The following MPRIP variants were observed in gnomAD, a reference collection of about 807,000 sequenced individuals.
MPRIP encodes the protein myosin phosphatase Rho-interacting protein.
A neutral mutation model predicts 234.9 loss-of-function variants in MPRIP; 59 were observed. The ratio of observed to expected loss-of-function variants is 0.25; its 90% CI spans 0.20 to 0.31. The LOEUF is 0.31. MPRIP is among the 10% of genes least tolerant of loss of function. The probability of loss-of-function intolerance (pLI) is 1.00; values close to 1 mark genes in which losing one functional copy is unlikely to be tolerated. For synonymous variants in MPRIP, 1,144 were observed against 1,263.9 expected, an observed-to-expected ratio of 0.91 and a Z score of 2.01; for missense variants, 2,436 against 3,071.0, an observed-to-expected ratio of 0.79 and a Z score of 4.89.
intron 3 of MPRIP, among the ~76,000 whole-genome samples, chr17:17,111,667 T>C (rs1315096678): frequency 6.6e-6 from 1 of 152,202 alleles, no homozygotes. Flanking sequence ...GTTCAGACTC[T>C]TCTGCCTGTT....
Position 17,184,835 on chromosome 17 carries a change from G to C in MPRIP, c.7219G>C (p.Gly2407Arg), listed in dbSNP as rs777319491. The C allele has an allele frequency of 6.2e-7, 1 of 1,612,768 alleles. No individual in the cohort carries two copies. The highest frequency in any genetic ancestry group is 1.1e-5 in the South Asian group (1 of 91,040). The change falls in exon 24 of 24, where the codon GGC becomes CGC. Residue 2407 changes from glycine to arginine, a missense_variant. This residue lies in a region of MPRIP where 1,998 missense variants were observed against 2,520.3 expected (regional missense o/e 0.79). Transcript: ENST00000651222. Reference protein sequence around the residue: ...RNIRSKSLKEGLTVQERLKLF... With the variant: ...RNIRSKSLKERLTVQERLKLF... ...TGTCTCTACCCAGAGTCTGAAGGAAGGCCTGACGGTGCAAGAACGGTTGAA... is the reference window on the plus strand; with the variant it reads ...TGTCTCTACCCAGAGTCTGAAGGAACGCCTGACGGTGCAAGAACGGTTGAA...
At chr17:17,152,785 C>T (rs1401898387) in intron 12 of MPRIP, among the ~76,000 whole-genome samples, 8 of 152,150 alleles carry the variant, frequency 5.3e-5, no homozygotes, top group Non-Finnish European at 8.8e-5. Context: ...TAGAAAGGAA[C>T]CAGGCTGGCA....
Position 17,187,852 on chromosome 17 carries a change from A to G in MPRIP, c.*2958A>G, listed in dbSNP as rs920750481. ...GGCTGCTCCTTGGCACCAGCTACAC[A>G]GTAGTGAGCTTTCCCAGCTTTACCG... On this transcript the variant is annotated 3_prime_UTR_variant, in exon 24 of 24. Coordinates refer to ENST00000651222, the MANE Select transcript of MPRIP (RefSeq NM_001364716.4). The G allele has an allele frequency of 6.6e-6, 1 of 152,250 alleles. No individual in the cohort carries two copies. The highest frequency in any genetic ancestry group is 1.5e-5 in the Non-Finnish European group (1 of 68,048). The allele number at this position is 152,250 out of a possible 1,614,324, so 9.4% of individuals were successfully genotyped here.
chr17:17,108,577 C>T lies in MPRIP; in HGVS notation c.268-18125C>T, dbSNP rs78770259. On this transcript the variant is annotated intron_variant, in intron 3 of 23. Coordinates refer to ENST00000651222, the MANE Select transcript of MPRIP (RefSeq NM_001364716.4). ...TACATTATTCAGCAAAAGTTTGGAA[C>T]CATTGCTTTAAGCTCTAAAACCTTC... 4.2e-4 allele frequency among the ~76,000 whole-genome samples: 64 copies of T among 152,344 alleles called. 1 individual carries two copies. Among genetic ancestry groups the T allele is most frequent in the South Asian group, 3.7e-3 (18 of 4,826 alleles).
At chr17:17,136,079 G>C (rs1258001560) in intron 5 of MPRIP, 140 bp from the exon 6 acceptor site, 2 of 803,696 alleles carry the variant, frequency 2.5e-6, no homozygotes, top group African/African-American at 3.4e-5. Flanking sequence ...CACTGTTTTG[G>C]GGCAGTATCT....
In MPRIP at chr17:17,143,797, G is replaced by A. The variant is rs2045395086; in HGVS notation, c.1503+128G>A. On this transcript the variant is annotated intron_variant, in intron 9 of 23. Transcript: ENST00000651222. ...TGTGCACAGGCCCTCGTGTCCGTGAGCACCCCCACCCACCGACCCACAGGC... is the reference window on the plus strand; with the variant it reads ...TGTGCACAGGCCCTCGTGTCCGTGAACACCCCCACCCACCGACCCACAGGC... 4 of 494,970 alleles carry A rather than the reference G, an allele frequency of 8.1e-6. No individual in the cohort carries two copies. The South Asian group carries it at 1.2e-4, about 15-fold the overall frequency. The allele number at this position is 494,970 out of a possible 1,614,324, so 30.7% of individuals were successfully genotyped here.
chr17:17,045,579 TGAG>T (rs930644440), intron 1 of MPRIP, among the ~76,000 whole-genome samples: 2 of 152,186 alleles, frequency 1.3e-5, no homozygotes, highest in African/African-American at 4.8e-5. Flanking sequence ...GAGCACATGA[TGAG>T]GACAATAATG....
At chr17:17,051,706 C>T (rs577812081) in intron 1 of MPRIP, among the ~76,000 whole-genome samples, 2 of 152,384 alleles carry the variant, frequency 1.3e-5, no homozygotes, top group South Asian at 4.1e-4. Context: ...GGCATTGTCA[C>T]TTCCGTTGGG....
Position 17,173,891 on chromosome 17 carries a change from G to C in MPRIP, c.6591-25G>C, listed in dbSNP as rs755358644. On this transcript the variant is annotated intron_variant, in intron 18 of 23. Transcript: ENST00000651222. ...GAGGCCTTGTCCAGAAGCAGGCAGA[G>C]GAGTGAGTGCTGCCCTCTCCCCAGG... 3.1e-6 allele frequency: 5 copies of C among 1,613,128 alleles called. No individual in the cohort carries two copies. The Admixed American group carries it at 8.3e-5, about 27-fold the overall frequency.
At chr17:17,093,894 G>T (rs567681862) in intron 3 of MPRIP, among the ~76,000 whole-genome samples, 1 of 152,232 alleles carries the variant, frequency 6.6e-6, no homozygotes, top group South Asian at 2.1e-4. Flanking sequence ...TCTTTCATCG[G>T]CCTGGCTCCT....
chr17:17,077,713 A>T (rs1018983657), intron 2 of MPRIP: 2 of 373,158 alleles, frequency 5.4e-6, no homozygotes, highest in African/African-American at 4.1e-5. Flanking sequence ...CAAAAAGGTA[A>T]CCACACGTTG....
At chr17:17,147,217 T>C (rs2045487127) in intron 10 of MPRIP, 102 bp from the exon 11 acceptor site, 7 of 1,112,764 alleles carry the variant, frequency 6.3e-6, no homozygotes, top group African/African-American at 1.5e-5. Context: ...TTCCCTGTGC[T>C]CTGGGAGGGC....
chr17:17,086,436 G>A (rs1284697648), intron 3 of MPRIP, among the ~76,000 whole-genome samples: 1 of 152,206 alleles, frequency 6.6e-6, no homozygotes, highest in Non-Finnish European at 1.5e-5. Context: ...CTTAATGAAG[G>A]AAGGTAGATT....
chr17:17,086,027 T>A (rs1271803895), intron 3 of MPRIP, among the ~76,000 whole-genome samples: 1 of 152,238 alleles, frequency 6.6e-6, no homozygotes, highest in African/African-American at 2.4e-5. Flanking sequence ...CCTCTTCTTG[T>A]GCAATCATTT....
At chr17:17,160,139 C>T (rs576105492) in intron 14 of MPRIP, among the ~76,000 whole-genome samples, 20 of 152,256 alleles carry the variant, frequency 1.3e-4, no homozygotes, top group East Asian at 3.9e-4. Flanking sequence ...GAGGCCGAGG[C>T]GGGCGGATCA....
chr17:17,059,470 G>C (rs1191984849), intron 1 of MPRIP, among the ~76,000 whole-genome samples: 1 of 152,242 alleles, frequency 6.6e-6, no homozygotes, highest in Non-Finnish European at 1.5e-5. Context: ...CTATAGGAGG[G>C]GCAGTGCAGT....
intron 12 of MPRIP, among the ~76,000 whole-genome samples, chr17:17,153,512 T>G (rs544631286): frequency 6.6e-6 from 1 of 151,906 alleles, no homozygotes; most frequent in East Asian, 2.0e-4. Flanking sequence ...CCCAGAGCCA[T>G]GTGCTCTTTG....
rs773960752 is a variant in MPRIP at position 17,166,667 on chromosome 17, G to C, written c.5076G>C (p.Glu1692Asp). The change falls in exon 16 of 24, where the codon GAG (glutamate) becomes GAC (aspartate). Residue 1692 changes from glutamate to aspartate, a missense_variant. Physicochemically the swap from Glu to Asp is conservative, Grantham distance 45 (BLOSUM62 2). Transcript: ENST00000651222. The surrounding 1 kb of genome is among the most constrained non-coding windows in gnomAD (Gnocchi z 4.4). Reference protein sequence around the residue: ...SFHRRLQSIQETLRGTQTALR... With the variant: ...SFHRRLQSIQDTLRGTQTALR... Reference sequence around the variant, plus strand: ...ACCGCAGGCTACAGAGCATCCAGGAGACCCTGCGGGGCACCCAGACGGCCC... The same window carrying C: ...ACCGCAGGCTACAGAGCATCCAGGACACCCTGCGGGGCACCCAGACGGCCC... 9.7e-5 allele frequency: 126 copies of C among 1,304,000 alleles called. No homozygotes were observed. The highest frequency in any genetic ancestry group is 1.2e-4 in the Non-Finnish European group (120 of 988,982). 80.8% of individuals were successfully genotyped at this position (1,304,000 alleles called of 1,614,324 possible). A position where few individuals can be genotyped will look rare whatever the true frequency, so the allele number is the denominator to read the frequency against.
chr17:17,087,297 C>T (rs935285925), intron 3 of MPRIP, among the ~76,000 whole-genome samples: 3 of 152,252 alleles, frequency 2.0e-5, no homozygotes, highest in African/African-American at 4.8e-5. Context: ...TCTCCTGTCC[C>T]GACTTAGAGC....
Sources: gnomAD v4.1 joint callset for allele counts (sites outside exome capture counted in the v4.1 genomes callset) on GRCh38, gnomAD v4.1.1 for gene constraint, gnomAD v4.1.1 regional missense constraint, Gnocchi (gnomAD v3.1) non-coding constraint, MANE v1.5 for transcripts, NCBI Gene and HGNC (gene_info 2026-07-23, HGNC 2026-07-21) for gene names.